Variants in DMD observed in about 807,000 individuals in gnomAD.
DMD encodes mutant dystrophin.
Under a neutral mutation model 330.1 loss-of-function variants are expected in DMD, and 63 were observed. The ratio of observed to expected loss-of-function variants is 0.19; its 90% CI spans 0.16 to 0.24. DMD has a LOEUF of 0.24. Ranked by LOEUF, DMD falls within the 10% of genes least tolerant of loss-of-function variation. DMD has a pLI of 1.00. For synonymous variants in DMD, 1,223 were observed against 959.8 expected, an observed-to-expected ratio of 1.27 and a Z score of -5.07; for missense variants, 3,344 against 2,684.1, an observed-to-expected ratio of 1.25 and a Z score of -5.43.
intron 55 of DMD, among the ~76,000 whole-genome samples, chrX:31,584,746 G>T (rs1478425650): frequency 1.8e-5 from 2 of 111,191 alleles, no homozygotes; most frequent in Non-Finnish European, 3.8e-5. Context: ...CAGGTGGAGG[G>T]GTGAAGGAGC....
chrX:32,040,156 G>A (rs1216345543), intron 44 of DMD, among the ~76,000 whole-genome samples: 1 of 111,910 alleles, frequency 8.9e-6, no homozygotes, highest in African/African-American at 3.3e-5. Flanking sequence ...TATTGGGCAT[G>A]TACATTCCAC....
chrX:32,225,427 A>G (rs1361470526), intron 43 of DMD, among the ~76,000 whole-genome samples: 1 of 111,824 alleles, frequency 8.9e-6, no homozygotes, highest in Non-Finnish European at 1.9e-5. Context: ...TCTGAGGTAT[A>G]TAGCCAACTG....
chrX:32,758,903 G>GA (rs1270125821), intron 7 of DMD, among the ~76,000 whole-genome samples: 4 of 111,290 alleles, frequency 3.6e-5, no homozygotes, highest in African/African-American at 1.3e-4. Flanking sequence ...CATGTAAAAT[G>GA]AAAAAAATAA....
At chrX:31,729,830 G>T in intron 51 of DMD, 82 bp from the exon 52 acceptor site, 2 of 796,630 alleles carry the variant, frequency 2.5e-6, no homozygotes, top group Non-Finnish European at 3.9e-6. Flanking sequence ...AAGTACAATT[G>T]TGAGACCAGC....
intron 9 of DMD, among the ~76,000 whole-genome samples, chrX:32,679,242 G>A (rs760257885): frequency 2.7e-5 from 3 of 111,254 alleles, no homozygotes; most frequent in South Asian, 3.8e-4. Context: ...TTATTCCACA[G>A]GGGAAGTTAA....
chrX:31,862,692 T>A (rs1694418043), intron 48 of DMD, among the ~76,000 whole-genome samples: 1 of 112,342 alleles, frequency 8.9e-6, no homozygotes, highest in South Asian at 3.7e-4. Flanking sequence ...GCTATCTTAT[T>A]CTATTTTATT....
At chrX:32,897,204 A>C (rs1378763779) in intron 2 of DMD, among the ~76,000 whole-genome samples, 2 of 111,762 alleles carry the variant, frequency 1.8e-5, no homozygotes, top group Non-Finnish European at 3.8e-5. Flanking sequence ...TTCTGAGATA[A>C]ATTTCTTAAT....
intron 7 of DMD, among the ~76,000 whole-genome samples, chrX:32,803,337 GTC>G (rs774914695): frequency 3.6e-5 from 4 of 110,360 alleles, no homozygotes; most frequent in African/African-American, 1.3e-4. Context: ...TTTTTACTGT[GTC>G]TATTTGATTC....
At chrX:31,328,310 T>A (rs933577081) in intron 61 of DMD, among the ~76,000 whole-genome samples, 2 of 110,752 alleles carry the variant, frequency 1.8e-5, no homozygotes, top group East Asian at 5.5e-4. Context: ...ATTACACTTA[T>A]GGCAGCAGAA....
chrX:32,113,308 C>T (rs1183140731), intron 44 of DMD, among the ~76,000 whole-genome samples: 1 of 112,125 alleles, frequency 8.9e-6, no homozygotes. Flanking sequence ...TAATAAAATA[C>T]GTGAAATGTT....
At position 31,121,750 on chromosome X, in the gene DMD, T is replaced by G; in HGVS notation, c.*169A>C. 1.4e-6 allele frequency: 1 copy of G among 735,737 alleles called. No individual in the cohort carries two copies. The allele number at this position is 735,737 out of a possible 1,213,427, so 60.6% of individuals were successfully genotyped here. ...TACCCTTCACAAAAATATAGATTTA[T>G]TTCTTGTAAACTCTTACTGTCTAAT... On this transcript the variant is annotated 3_prime_UTR_variant, in exon 79 of 79. Transcript: ENST00000357033.
intron 55 of DMD, among the ~76,000 whole-genome samples, chrX:31,527,492 C>T (rs1263962464): frequency 8.9e-6 from 1 of 112,013 alleles, no homozygotes; most frequent in Non-Finnish European, 1.9e-5. Context: ...ATGTTGCATG[C>T]ATTATTTTTA....
chrX:32,981,285 A>G (rs2092701923), intron 2 of DMD, among the ~76,000 whole-genome samples: 3 of 112,021 alleles, frequency 2.7e-5, no homozygotes, highest in Non-Finnish European at 1.9e-5. Flanking sequence ...TGTGCTGTCC[A>G]TATTACTTGC....
intron 48 of DMD, among the ~76,000 whole-genome samples, chrX:31,839,063 C>T (rs371870398): frequency 4.5e-5 from 5 of 111,681 alleles, no homozygotes; most frequent in African/African-American, 1.6e-4. Flanking sequence ...TAGAGAATCA[C>T]TATGGGTCAG....
chrX:32,896,861 C>T (rs2085768933), intron 2 of DMD, among the ~76,000 whole-genome samples: 1 of 112,247 alleles, frequency 8.9e-6, no homozygotes, highest in African/African-American at 3.2e-5. Flanking sequence ...AAAGATTCAA[C>T]AACACTGTGG....
chrX:31,928,891 C>T (rs1192705624), intron 47 of DMD, among the ~76,000 whole-genome samples: 1 of 111,377 alleles, frequency 9.0e-6, no homozygotes, highest in Non-Finnish European at 1.9e-5. Flanking sequence ...GAAGAGGATA[C>T]AGAATCCAGA....
rs1401922159 is a variant in DMD, at chrX:32,855,192, CAT to C, written c.94-5374_94-5373del. ...GCATACCTTAACACAGTAAAAGCCA[CAT>C]ATGAGAAACCCACAGCTAATTTCAT... On this transcript the variant is annotated intron_variant, in intron 2 of 78. Coordinates refer to ENST00000357033, the MANE Select transcript of DMD (RefSeq NM_004006.3). Among the ~76,000 whole-genome samples the C allele has an allele frequency of 2.7e-5, 3 of 112,032 alleles. No homozygotes were observed. In the Admixed American group the frequency reaches 2.8e-4, roughly 11 times the overall value.
intron 41 of DMD, among the ~76,000 whole-genome samples, chrX:32,339,791 A>T (rs1213422170): frequency 8.9e-6 from 1 of 112,310 alleles, no homozygotes; most frequent in Non-Finnish European, 1.9e-5. Context: ...CTGTAAAGAC[A>T]TGAAAGATGA....
intron 44 of DMD, among the ~76,000 whole-genome samples, chrX:32,007,241 AAT>A (rs1363873893): frequency 1.9e-5 from 2 of 105,994 alleles, no homozygotes; most frequent in East Asian, 2.9e-4. Flanking sequence ...TAATAATAAT[AAT>A]AATAATAAAG....
Sources: allele counts gnomAD v4.1 joint callset (sites outside exome capture counted in the v4.1 genomes callset), GRCh38; gene constraint gnomAD v4.1.1; transcripts MANE v1.5; gene names NCBI Gene and HGNC (gene_info 2026-07-23, HGNC 2026-07-21).